PAPPA: variants seen among roughly 807,000 people sequenced by gnomAD.
The protein encoded by PAPPA is pappalysin-1.
Under a neutral mutation model 164.0 loss-of-function variants are expected in PAPPA, and 60 were observed. The observed-to-expected ratio is 0.37, with a 90% confidence interval of 0.30 to 0.45. The LOEUF is 0.45. Ranked by LOEUF, PAPPA falls within the 20% of genes least tolerant of loss-of-function variation. The pLI is 1.00. For synonymous variants in PAPPA, 875 were observed against 814.1 expected, an observed-to-expected ratio of 1.07 and a Z score of -1.27; for missense variants, 1,782 against 2,087.3, an observed-to-expected ratio of 0.85 and a Z score of 2.85.
chr9:116,268,623 A>G (rs757325199), intron 8 of PAPPA, among the ~76,000 whole-genome samples: 12 of 152,146 alleles, frequency 7.9e-5, no homozygotes, highest in Non-Finnish European at 1.3e-4. Flanking sequence ...TTGGTTAAAC[A>G]CTGCAAATGA....
chr9:116,289,804 G>C (rs1477678653), intron 9 of PAPPA, among the ~76,000 whole-genome samples: 1 of 152,170 alleles, frequency 6.6e-6, no homozygotes, highest in African/African-American at 2.4e-5. Flanking sequence ...TTCTGTTTTA[G>C]AGAGAATACA....
At position 116,362,691 on chromosome 9, in the gene PAPPA, G is replaced by A. The variant is rs775634573; in HGVS notation, c.4447G>A (p.Glu1483Lys). The change falls in exon 18 of 22, where the codon GAG (glutamate) becomes AAG (lysine). Residue 1483 changes from glutamate (E) to lysine (K), a missense_variant. Glu to Lys is a moderately conservative substitution (Grantham distance 56). Coordinates refer to ENST00000328252, the MANE Select transcript of PAPPA (RefSeq NM_002581.5). Reference sequence around the variant, plus strand: ...GCAAGGCCAGTGCTCGGTTCCAAACGAGCTCAACAGCAACCTCAAACTGCA... The same window carrying A: ...GCAAGGCCAGTGCTCGGTTCCAAACAAGCTCAACAGCAACCTCAAACTGCA... ...EMQGQCSVPN[E>K]LNSNLKLQCP... 7.4e-6 allele frequency: 12 copies of A among 1,614,038 alleles called. No individual in the cohort carries two copies. The highest frequency in any genetic ancestry group is 3.3e-5 in the Admixed American group (2 of 60,010).
intron 9 of PAPPA, among the ~76,000 whole-genome samples, chr9:116,295,596 C>G (rs1845496663): frequency 6.6e-6 from 1 of 150,680 alleles, no homozygotes; most frequent in African/African-American, 2.4e-5. Context: ...ATTTCAAAGT[C>G]TCCTCATTTC....
At chr9:116,257,656 C>T (rs753511895) in intron 7 of PAPPA, among the ~76,000 whole-genome samples, 1 of 151,926 alleles carries the variant, frequency 6.6e-6, no homozygotes, top group African/African-American at 2.4e-5. Context: ...GAGCCGAGAT[C>T]GCGCCACTGC....
intron 6 of PAPPA, among the ~76,000 whole-genome samples, chr9:116,234,400 G>A (rs1422363054): frequency 6.6e-6 from 1 of 152,156 alleles, no homozygotes; most frequent in Non-Finnish European, 1.5e-5. Context: ...TAGAGAAGGG[G>A]AGGAGGAGAG....
intron 1 of PAPPA, among the ~76,000 whole-genome samples, chr9:116,184,759 A>G (rs984537694): frequency 1.3e-5 from 2 of 152,168 alleles, no homozygotes; most frequent in African/African-American, 2.4e-5. Context: ...TTATTCTCTG[A>G]TTCTCCCTGT....
chr9:116,331,853 T>G (rs940411603), intron 11 of PAPPA, among the ~76,000 whole-genome samples: 2 of 152,178 alleles, frequency 1.3e-5, no homozygotes, highest in African/African-American at 4.8e-5. Context: ...CCATATCTTA[T>G]TTAGCTTTCT....
intron 2 of PAPPA, among the ~76,000 whole-genome samples, chr9:116,200,763 GTGT>G (rs976946889): frequency 6.6e-6 from 1 of 151,954 alleles, no homozygotes; most frequent in Non-Finnish European, 1.5e-5. Flanking sequence ...ATCTCAGTAA[GTGT>G]TGTTGATGAA....
At position 116,223,305 on chromosome 9, in the gene PAPPA, A is replaced by C. The variant is rs563885829; in HGVS notation, c.2111+3176A>C. ...GACTTTTGGTCAAGCCTTGGCCTCC[A>C]TTCCACTTGAAAATGGAAGTTTCAT... On this transcript the variant is annotated intron_variant, in intron 5 of 21. Coordinates refer to ENST00000328252, the MANE Select transcript of PAPPA (RefSeq NM_002581.5). Among the ~76,000 whole-genome samples the C allele has an allele frequency of 1.4e-4, 22 of 152,294 alleles. No individual in the cohort carries two copies. The South Asian group carries it at 2.7e-3, about 19-fold the overall frequency.
At position 116,397,070 on chromosome 9, in the gene PAPPA, T is replaced by G. The variant is rs45519832; in HGVS notation, c.*454T>G. ...TTTCCCAAGCTCCTAGCCAACACTA[T>G]CCTTGGGAGAAAGAAATTTGCAGAA... On this transcript the variant is annotated 3_prime_UTR_variant, in exon 22 of 22. Coordinates refer to ENST00000328252, the MANE Select transcript of PAPPA (RefSeq NM_002581.5). The G allele has an allele frequency of 5.9e-3, 921 of 156,962 alleles. 4 individuals carry two copies. Among genetic ancestry groups the G allele is most frequent in the Non-Finnish European group, 9.6e-3 (684 of 70,894 alleles). The allele number at this position is 156,962 out of a possible 1,614,324, so 9.7% of individuals were successfully genotyped here.
At chr9:116,224,041 C>T (rs1184474335) in intron 5 of PAPPA, among the ~76,000 whole-genome samples, 1 of 152,188 alleles carries the variant, frequency 6.6e-6, no homozygotes, top group Non-Finnish European at 1.5e-5. Flanking sequence ...ATTCCCTTTC[C>T]CTGCAAAGCC....
chr9:116,390,836 CCAT>C (rs1435250514), intron 21 of PAPPA, among the ~76,000 whole-genome samples: 4 of 152,154 alleles, frequency 2.6e-5, no homozygotes, highest in Non-Finnish European at 5.9e-5. Context: ...ATTACCACCA[CCAT>C]CATCATCATT....
At chr9:116,233,918 T>C (rs1011199979) in intron 6 of PAPPA, among the ~76,000 whole-genome samples, 2 of 151,022 alleles carry the variant, frequency 1.3e-5, no homozygotes, top group African/African-American at 4.9e-5. Flanking sequence ...TAGGTGGGCA[T>C]GGGGACACAT....
chr9:116,391,044 C>T (rs983424647), intron 21 of PAPPA, among the ~76,000 whole-genome samples: 2 of 152,084 alleles, frequency 1.3e-5, no homozygotes, highest in African/African-American at 4.8e-5. Context: ...AGTAACTTGC[C>T]GGATAGCATA....
intron 1 of PAPPA, among the ~76,000 whole-genome samples, chr9:116,167,840 T>C (rs1263705795): frequency 6.6e-6 from 1 of 152,184 alleles, no homozygotes; most frequent in East Asian, 1.9e-4. Flanking sequence ...ACCTTCCCTT[T>C]CCCAAATTCT....
intron 10 of PAPPA, among the ~76,000 whole-genome samples, chr9:116,317,368 G>A (rs1845800101): frequency 6.6e-6 from 1 of 152,144 alleles, no homozygotes; most frequent in African/African-American, 2.4e-5. Context: ...TAAAATCAAA[G>A]GACAAAGAGA....
At chr9:116,336,963 C>T (rs181538688) in intron 13 of PAPPA, among the ~76,000 whole-genome samples, 2 of 152,138 alleles carry the variant, frequency 1.3e-5, no homozygotes, top group Admixed American at 1.3e-4. Context: ...ATTATTGCAC[C>T]TCTTGAATAG....
At chr9:116,220,819 AGGTTGCAGTGAGCCGAGATGGCACC>A (rs1205145548) in intron 5 of PAPPA, among the ~76,000 whole-genome samples, 1 of 151,896 alleles carries the variant, frequency 6.6e-6, no homozygotes, top group Non-Finnish European at 1.5e-5. Flanking sequence ...CAGGAGGCGG[AGGTTGCAGTGAGCCGAGATGGCACC>A]ACCGCATCTC....
At position 116,396,845 on chromosome 9, in the gene PAPPA, T is replaced by C. The variant is rs1390806172; in HGVS notation, c.*229T>C. ...TTCCCATCCCAAAGTCTGAGATGGA[T>C]TGCATATACAGTGTGCAGTCCCAGA... On this transcript the variant is annotated 3_prime_UTR_variant, in exon 22 of 22. Coordinates refer to ENST00000328252, the MANE Select transcript of PAPPA (RefSeq NM_002581.5). 3 of 570,830 alleles carry C rather than the reference T, an allele frequency of 5.3e-6. No individual in the cohort carries two copies. The highest frequency in any genetic ancestry group is 6.1e-5 in the Admixed American group (2 of 32,932). 35.4% of individuals were successfully genotyped at this position (570,830 alleles called of 1,614,324 possible).
Sources: allele counts gnomAD v4.1 joint callset (sites outside exome capture counted in the v4.1 genomes callset), GRCh38; gene constraint gnomAD v4.1.1; transcripts MANE v1.5; gene names NCBI Gene and HGNC (gene_info 2026-07-23, HGNC 2026-07-21).